NAV3: variants seen among roughly 807,000 people sequenced by gnomAD.
NAV3 encodes the protein neuron navigator 3.
A neutral mutation model predicts 244.7 loss-of-function variants in NAV3; 87 were observed. That is an observed-to-expected ratio of 0.36 (90% CI 0.30 to 0.42). NAV3 has a LOEUF of 0.42. Ranked by LOEUF, NAV3 falls within the 20% of genes least tolerant of loss-of-function variation. The pLI, the probability that NAV3 is intolerant of heterozygous loss-of-function variation, is 1.00. For synonymous variants in NAV3, 1,126 were observed against 1,042.2 expected (o/e 1.08, Z -1.55); for missense variants, 2,663 against 2,893.3 (o/e 0.92, Z 1.83).
intron 2 of NAV3, among the ~76,000 whole-genome samples, chr12:77,742,922 G>A (rs981163307): frequency 6.6e-6 from 1 of 151,962 alleles, no homozygotes; most frequent in Non-Finnish European, 1.5e-5. Context: ...TTGTCATCAT[G>A]TTTAGTGCAA....
At chr12:77,807,191 G>A (rs562700646) in intron 2 of NAV3, among the ~76,000 whole-genome samples, 5 of 152,170 alleles carry the variant, frequency 3.3e-5, no homozygotes, top group South Asian at 4.2e-4. Flanking sequence ...CGTTAATATC[G>A]ACATGTGTGA....
intron 8 of NAV3, among the ~76,000 whole-genome samples, chr12:78,015,225 A>G (rs1875981825): frequency 6.6e-6 from 1 of 152,038 alleles, no homozygotes; most frequent in African/African-American, 2.4e-5. Flanking sequence ...GAATTGTGCA[A>G]ATGACTCTCA....
At chr12:77,934,627 G>A (rs1302175184) in intron 1 of NAV3, among the ~76,000 whole-genome samples, 4 of 152,022 alleles carry the variant, frequency 2.6e-5, no homozygotes, top group Admixed American at 1.3e-4. Context: ...ATGATTTCTG[G>A]TTGCACTTTA....
At chr12:77,972,231 G>A (rs1177597404) in intron 5 of NAV3, among the ~76,000 whole-genome samples, 1 of 152,070 alleles carries the variant, frequency 6.6e-6, no homozygotes, top group Admixed American at 6.6e-5. Context: ...CTGCTCAAGT[G>A]GCACCTAGAG....
intron 18 of NAV3, among the ~76,000 whole-genome samples, chr12:78,131,806 A>G (rs937278272): frequency 2.6e-5 from 4 of 152,194 alleles, no homozygotes; most frequent in African/African-American, 7.2e-5. Flanking sequence ...AAGATGGAGA[A>G]GTGTGTAAGA....
At chr12:78,052,791 A>C (rs557362802) in intron 11 of NAV3, among the ~76,000 whole-genome samples, 1 of 151,766 alleles carries the variant, frequency 6.6e-6, no homozygotes, top group East Asian at 1.9e-4. Context: ...TTTCCACTCT[A>C]TCCCCTCTTC....
chr12:78,188,444 T>C, intron 32 of NAV3, 101 bp downstream of exon 32: 1 of 1,206,260 alleles, frequency 8.3e-7, no homozygotes, highest in Non-Finnish European at 1.2e-6. Flanking sequence ...TTTCCTCTCC[T>C]CAAATAAGGA....
intron 12 of NAV3, among the ~76,000 whole-genome samples, chr12:78,100,092 G>T (rs1422231821): frequency 6.6e-6 from 1 of 151,796 alleles, no homozygotes; most frequent in Non-Finnish European, 1.5e-5. Context: ...AACCCACATG[G>T]TATTAATGTT....
intron 37 of NAV3, among the ~76,000 whole-genome samples, chr12:78,199,964 A>G (rs1180717359): frequency 6.6e-6 from 1 of 152,080 alleles, no homozygotes; most frequent in Non-Finnish European, 1.5e-5. Flanking sequence ...AACTGTTTTG[A>G]GTTATTTCTC....
At chr12:77,603,330 T>C (rs754905324) in intron 2 of NAV3, among the ~76,000 whole-genome samples, 1 of 152,094 alleles carries the variant, frequency 6.6e-6, no homozygotes, top group Non-Finnish European at 1.5e-5. Flanking sequence ...TCTTTGGTGA[T>C]CTCATCAAAA....
chr12:77,768,137 G>T (rs1246256529), intron 2 of NAV3, among the ~76,000 whole-genome samples: 1 of 152,232 alleles, frequency 6.6e-6, no homozygotes. Context: ...GAATCTGGCT[G>T]AGTCTGGGGT....
chr12:77,668,831 C>G (rs1873835606), intron 2 of NAV3, among the ~76,000 whole-genome samples: 1 of 152,016 alleles, frequency 6.6e-6, no homozygotes, highest in South Asian at 2.1e-4. Context: ...AAGATCATTG[C>G]CTACACACAT....
intron 9 of NAV3, chr12:78,037,241 G>A (rs989092016): frequency 2.6e-5 from 18 of 702,822 alleles, no homozygotes; most frequent in Non-Finnish European, 4.2e-5. Flanking sequence ...ATGAAAACGT[G>A]TCCTCCAAGC....
At chr12:78,151,810 A>G (rs1015418704) in intron 22 of NAV3, among the ~76,000 whole-genome samples, 8 of 151,362 alleles carry the variant, frequency 5.3e-5, no homozygotes, top group African/African-American at 1.9e-4. Flanking sequence ...GGGAAACTGG[A>G]TGAAGGATAC....
chr12:77,739,418 TTTC>T lies in NAV3; in HGVS notation c.72+167158_72+167160del, dbSNP rs1204727068. On this transcript the variant is annotated intron_variant, in intron 2 of 8. Coordinates refer to the NAV3 transcript ENST00000550042. ...CGCATATCTATACTTAGTTAGTATG[TTTC>T]TTCTTGAAGAGAATAAGATTTATAC... 3.3e-5 allele frequency among the ~76,000 whole-genome samples: 5 copies of T among 152,284 alleles called. No homozygotes were observed. In the South Asian group the frequency reaches 1.0e-3, roughly 32 times the overall value.
intron 2 of NAV3, among the ~76,000 whole-genome samples, chr12:77,685,473 GCACACACACACACACA>G (rs778398842): frequency 2.3e-5 from 1 of 42,594 alleles, no homozygotes; most frequent in African/African-American, 4.8e-5. Flanking sequence ...GCATACACAT[GCACACACACACACACA>G]CACACACACA....
chr12:77,867,580 C>T (rs543065770), intron 1 of NAV3, among the ~76,000 whole-genome samples: 5 of 152,102 alleles, frequency 3.3e-5, no homozygotes, highest in East Asian at 1.9e-4. Context: ...CCACCACGCC[C>T]GGCTAATTTT....
At chr12:77,665,009 A>C (rs1490565472) in intron 2 of NAV3, among the ~76,000 whole-genome samples, 2 of 152,198 alleles carry the variant, frequency 1.3e-5, no homozygotes, top group Non-Finnish European at 2.9e-5. Context: ...CTGGGACTGC[A>C]GGTGCACACC....
intron 2 of NAV3, among the ~76,000 whole-genome samples, chr12:77,742,249 T>C (rs1439904150): frequency 1.3e-5 from 2 of 152,132 alleles, no homozygotes; most frequent in Non-Finnish European, 2.9e-5. Flanking sequence ...ATCCACAGGA[T>C]AAGTTGTGCT....
Sources: allele counts gnomAD v4.1 joint callset (sites outside exome capture counted in the v4.1 genomes callset), GRCh38; gene constraint gnomAD v4.1.1; transcripts MANE v1.5; gene names NCBI Gene and HGNC (gene_info 2026-07-23, HGNC 2026-07-21).